Variants in MAP4K2 observed in about 807,000 individuals in gnomAD.
The protein encoded by MAP4K2 is mitogen-activated protein kinase kinase kinase kinase 2, also known as B lymphocyte serine/threonine protein kinase.
MAP4K2 carries 85 observed loss-of-function variants against 125.3 expected under a neutral mutation model. The observed-to-expected ratio is 0.68, with a 90% CI of 0.57 to 0.81. MAP4K2 has a LOEUF of 0.81. MAP4K2 is among the 40% of genes least tolerant of loss of function. MAP4K2 has a pLI of 0.00. For missense variants in MAP4K2, 923 were observed against 1,056.4 expected (o/e 0.87, Z 1.75); for synonymous variants, 479 against 445.1 (o/e 1.08, Z -0.96).
At chr11:64,795,076 T>G (rs1481939640) in intron 24 of MAP4K2, among the ~76,000 whole-genome samples, 1 of 148,256 alleles carries the variant, frequency 6.7e-6, no homozygotes, top group African/African-American at 2.5e-5. Flanking sequence ...TCAGCTAAGT[T>G]TTCGATTTTT....
In MAP4K2 at chr11:64,787,043, T is replaced by TG. The variant is rs1940222785; in HGVS notation, c.*2493_*2494insC. 1 of 150,292 alleles carries TG rather than the reference T, an allele frequency of 6.7e-6. No individual in the cohort carries two copies. The highest frequency in any genetic ancestry group is 2.4e-5 in the African/African-American group (1 of 41,026). 9.3% of individuals were successfully genotyped at this position (150,292 alleles called of 1,614,324 possible). A position where few individuals can be genotyped will look rare whatever the true frequency, so the allele number is the denominator to read the frequency against. Reference sequence around the variant, plus strand: ...TATATATTTTTTTCTCTTTTTTTTTTTTTTGAGACGGAGTCTTGCACTGTC... The same window carrying TG: ...TATATATTTTTTTCTCTTTTTTTTTTGTTTTGAGACGGAGTCTTGCACTGTC... On this transcript the variant is annotated 3_prime_UTR_variant, in exon 32 of 32. Coordinates refer to ENST00000294066, the MANE Select transcript of MAP4K2 (RefSeq NM_004579.5).
At chr11:64,797,997 C>T (rs1160521870) in intron 15 of MAP4K2, among the ~76,000 whole-genome samples, 4 of 147,646 alleles carry the variant, frequency 2.7e-5, no homozygotes, top group East Asian at 2.1e-4. Flanking sequence ...GAGCCACACC[C>T]GGGCTTTTTT....
chr11:64,801,415 C>T (rs919708428), intron 7 of MAP4K2, among the ~76,000 whole-genome samples, 164 bp downstream of exon 7: 1 of 152,192 alleles, frequency 6.6e-6, no homozygotes, highest in African/African-American at 2.4e-5. Flanking sequence ...GACCCAACCT[C>T]CTCTATTTTC....
At chr11:64,792,336 G>GCC in intron 25 of MAP4K2, 28 bp downstream of exon 25, 2 of 614,820 alleles carry the variant, frequency 3.3e-6, no homozygotes, top group South Asian at 2.0e-5. Flanking sequence ...ACCAGGCCCC[G>GCC]CCCCACCCCG....
At chr11:64,802,519 T>C in intron 3 of MAP4K2, 36 bp from the exon 4 acceptor site, 1 of 1,569,532 alleles carries the variant, frequency 6.4e-7, no homozygotes, top group East Asian at 2.3e-5. Context: ...ACAAAGCAGG[T>C]CACATGGGGG....
At position 64,800,954 on chromosome 11, in the gene MAP4K2, G is replaced by A; in HGVS notation, c.608C>T (p.Thr203Ile). The A allele has an allele frequency of 6.2e-7, 1 of 1,614,058 alleles. No individual in the cohort carries two copies. The highest frequency in any genetic ancestry group is 8.5e-7 in the Non-Finnish European group (1 of 1,180,012). Residue 203 changes from threonine (T) to isoleucine (I), a missense_variant, in exon 9 of 32, where the codon ACT becomes ATT. Transcript: ENST00000294066. ...CTGCAGCTCGCCCAGCTCAATGGCA[G>A]TGATGCCCAGGGCCCAGACGTCACA... ...ELCDVWALGI[T>I]AIELGELQPP...
Position 64,785,762 on chromosome 11 carries a change from G to A in MAP4K2, c.*3775C>T, listed in dbSNP as rs1940187629. On this transcript the variant is annotated 3_prime_UTR_variant, in exon 32 of 32. Coordinates refer to ENST00000294066, the MANE Select transcript of MAP4K2 (RefSeq NM_004579.5). ...GTGCCACCATGTCCAGCTAATTTGT[G>A]TATCTTTTGTAGAGACAGGGTTTTG... The A allele has an allele frequency of 1.3e-5, 2 of 151,808 alleles. No individual in the cohort carries two copies. Among genetic ancestry groups the A allele is most frequent in the Non-Finnish European group, 2.9e-5 (2 of 67,978 alleles). The allele number at this position is 151,808 out of a possible 1,614,324, so 9.4% of individuals were successfully genotyped here. A position where few individuals can be genotyped will look rare whatever the true frequency, so the allele number is the denominator to read the frequency against.
chr11:64,800,934 G>C lies in MAP4K2; in HGVS notation c.628C>G (p.Leu210Val). 6.2e-7 allele frequency: 1 copy of C among 1,614,038 alleles called. No individual in the cohort carries two copies. The highest frequency in any genetic ancestry group is 8.5e-7 in the Non-Finnish European group (1 of 1,180,014). ...TGCAGGTGGAACAGAGGGGGCTGCA[G>C]CTCGCCCAGCTCAATGGCAGTGATG... ...LGITAIELGELQPPLFHLHPM... is the reference protein window; with the variant it reads ...LGITAIELGEVQPPLFHLHPM... The change falls in exon 9 of 32, where the codon CTG becomes GTG. Residue 210 changes from leucine (L) to valine (V), a missense_variant. This residue lies in a region of MAP4K2 where 833 missense variants were observed against 911.4 expected (regional missense o/e 0.91). Coordinates refer to ENST00000294066, the MANE Select transcript of MAP4K2 (RefSeq NM_004579.5).
chr11:64,792,865 G>A (rs998888836), intron 24 of MAP4K2, among the ~76,000 whole-genome samples: 3 of 152,120 alleles, frequency 2.0e-5, no homozygotes, highest in Non-Finnish European at 4.4e-5. Context: ...TCCCATATTA[G>A]GACTTTCCAC....
rs1941355100 is a variant in MAP4K2 at position 64,803,174 on chromosome 11, G to A, written c.-25C>T. 1.9e-5 allele frequency: 21 copies of A among 1,124,854 alleles called. No homozygotes were observed. Among genetic ancestry groups the A allele is most frequent in the Non-Finnish European group, 2.2e-5 (20 of 912,486 alleles). The allele number at this position is 1,124,854 out of a possible 1,614,324, so 69.7% of individuals were successfully genotyped here. A position where few individuals can be genotyped will look rare whatever the true frequency, so the allele number is the denominator to read the frequency against. ...TGGCCCGGCGCCGGGCGGGCCGGCA[G>A]GCGGGCGGGCGCGAGCTGCGGAGCC... On this transcript the variant is annotated 5_prime_UTR_variant, in exon 1 of 32. Transcript: ENST00000294066.
In MAP4K2 at chr11:64,789,182, C is replaced by T. The variant is rs1197029227; in HGVS notation, c.*355G>A. 5.8e-6 allele frequency: 2 copies of T among 342,930 alleles called. No individual in the cohort carries two copies. The highest frequency in any genetic ancestry group is 2.1e-5 in the African/African-American group (1 of 47,546). 21.2% of individuals were successfully genotyped at this position (342,930 alleles called of 1,614,324 possible). A position where few individuals can be genotyped will look rare whatever the true frequency, so the allele number is the denominator to read the frequency against. Reference sequence around the variant, plus strand: ...ACCAATATAGTTCTCTCTTAAATACCGTGTTTCCCAGGACAAATGCAGGGG... The same window carrying T: ...ACCAATATAGTTCTCTCTTAAATACTGTGTTTCCCAGGACAAATGCAGGGG... On this transcript the variant is annotated 3_prime_UTR_variant, in exon 32 of 32. Transcript: ENST00000294066.
At chr11:64,791,650 C>T (rs998298852) in intron 27 of MAP4K2, among the ~76,000 whole-genome samples, 2 of 152,188 alleles carry the variant, frequency 1.3e-5, no homozygotes, top group African/African-American at 4.8e-5. Flanking sequence ...GGATTACAGG[C>T]GTGAGCCACT....
chr11:64,801,836 C>A, intron 5 of MAP4K2, 79 bp from the exon 6 acceptor site: 3 of 1,489,488 alleles, frequency 2.0e-6, no homozygotes, highest in Non-Finnish European at 2.8e-6. Context: ...GGACTGGGGC[C>A]CCCCACTCAG....
chr11:64,792,344 C>A lies in MAP4K2; in HGVS notation c.1810+20G>T. The A allele has an allele frequency of 1.9e-6, 3 of 1,565,254 alleles. No individual in the cohort carries two copies. Among genetic ancestry groups the A allele is most frequent in the South Asian group, 2.3e-5 (2 of 85,610 alleles). ...GCCCCCCACCAGGCCCCGCCCCACC[C>A]CGCCCAGCCCATTTCTTACCCACAC... is the stretch of plus-strand genomic sequence containing the variant. On this transcript the variant is annotated intron_variant, in intron 25 of 31. Transcript: ENST00000294066.
In MAP4K2 at chr11:64,797,030, G is replaced by C; in HGVS notation, c.1366-7C>G. 1 of 1,614,086 alleles carries C rather than the reference G, an allele frequency of 6.2e-7. No individual in the cohort carries two copies. Among genetic ancestry groups the C allele is most frequent in the Non-Finnish European group, 8.5e-7 (1 of 1,180,000 alleles). On this transcript the variant is annotated splice_polypyrimidine_tract_variant and splice_region_variant and intron_variant, in intron 19 of 31. Transcript: ENST00000294066. The stretch of plus-strand genomic sequence containing the variant: ...GCCCGTGGCAGGATGACCTCTGGGA[G>C]GGAGGAAAGGAGTCAGGGCTGATAT...
At chr11:64,797,230 C>T (rs1239249265) in intron 18 of MAP4K2, 38 bp from the exon 19 acceptor site, 3 of 1,606,342 alleles carry the variant, frequency 1.9e-6, no homozygotes, top group East Asian at 2.2e-5. Context: ...CTGCTGTAGC[C>T]CCCACCCTGG....
intron 24 of MAP4K2, among the ~76,000 whole-genome samples, chr11:64,793,094 T>C (rs946841168): frequency 6.6e-6 from 1 of 152,068 alleles, no homozygotes; most frequent in African/African-American, 2.4e-5. Context: ...CGCGTGCCTG[T>C]AATCCCAGCT....
rs938504805 is a variant in MAP4K2 at position 64,785,945 on chromosome 11, T to A, written c.*3592A>T. On this transcript the variant is annotated 3_prime_UTR_variant, in exon 32 of 32. Coordinates refer to ENST00000294066, the MANE Select transcript of MAP4K2 (RefSeq NM_004579.5). ...ACAAAAGGATGTGTGGCACCTTATG[T>A]GAGTTAGGAACTGAGTTATAACTTA... 1 of 152,214 alleles carries A rather than the reference T, an allele frequency of 6.6e-6. No individual in the cohort carries two copies. Among genetic ancestry groups the A allele is most frequent in the Non-Finnish European group, 1.5e-5 (1 of 68,044 alleles). The allele number at this position is 152,214 out of a possible 1,614,324, so 9.4% of individuals were successfully genotyped here.
chr11:64,800,524 G>A, intron 10 of MAP4K2, 132 bp from the exon 11 acceptor site: 1 of 1,138,192 alleles, frequency 8.8e-7, no homozygotes, highest in African/African-American at 1.6e-5. Context: ...GAGGCCAAGG[G>A]CCACTGGCCG....
Sources: allele counts gnomAD v4.1 joint callset (sites outside exome capture counted in the v4.1 genomes callset), GRCh38; gene constraint gnomAD v4.1.1; regional missense constraint gnomAD v4.1.1; transcripts MANE v1.5; gene names NCBI Gene and HGNC (gene_info 2026-07-23, HGNC 2026-07-21).